SAMSN1: variants seen among roughly 807,000 people sequenced by gnomAD.
SAMSN1 encodes SAM domain, SH3 domain and nuclear localization signals 1.
In SAMSN1, 31 loss-of-function variants were observed where a neutral mutation model predicts 42.0. That is an observed-to-expected ratio of 0.74 (90% confidence interval 0.55 to 1.00). The LOEUF (loss-of-function observed/expected upper bound fraction) is 1.00. SAMSN1 is among the 50% of genes least tolerant of loss of function. SAMSN1 has a pLI of 0.00. For missense variants in SAMSN1, 464 were observed against 439.4 expected (o/e 1.06, Z -0.50); for synonymous variants, 178 against 151.9 (o/e 1.17, Z -1.26).
intron 5 of SAMSN1, among the ~76,000 whole-genome samples, chr21:14,501,037 G>A (rs1054083108): frequency 3.3e-5 from 5 of 151,710 alleles, no homozygotes; most frequent in South Asian, 2.1e-4. Flanking sequence ...TTAGCCTGGC[G>A]TGGTAGCATG....
At chr21:14,618,862 C>G (rs1343187611) in intron 2 of SAMSN1, among the ~76,000 whole-genome samples, 1 of 152,172 alleles carries the variant, frequency 6.6e-6, no homozygotes, top group African/African-American at 2.4e-5. Flanking sequence ...TCAGTATCCC[C>G]TAAGTTAGGC....
chr21:14,632,357 A>G (rs1239872363), intron 2 of SAMSN1, among the ~76,000 whole-genome samples: 1 of 152,072 alleles, frequency 6.6e-6, no homozygotes, highest in African/African-American at 2.4e-5. Context: ...ATTCATTTGT[A>G]TATCTGCAAA....
chr21:14,565,900 A>C (rs1342388551), intron 2 of SAMSN1, among the ~76,000 whole-genome samples: 1 of 152,234 alleles, frequency 6.6e-6, no homozygotes, highest in Non-Finnish European at 1.5e-5. Context: ...ATAATTTCAA[A>C]AGGCAAACCA....
chr21:14,489,831 G>C (rs920356721), intron 7 of SAMSN1, among the ~76,000 whole-genome samples: 1 of 152,040 alleles, frequency 6.6e-6, no homozygotes, highest in Non-Finnish European at 1.5e-5. Flanking sequence ...TGAAAGAAAA[G>C]GGTGGCATCG....
rs909999479 is a variant in SAMSN1 at position 14,531,987 on chromosome 21, G to GT, written c.58-10767dup. ...CAAACAATAAGCTAATTCTCAAAAAGTTTTTTTTTGAGTCATTTTTACTAC... is the reference window on the plus strand; with the variant it reads ...CAAACAATAAGCTAATTCTCAAAAAGTTTTTTTTTTGAGTCATTTTTACTAC... On this transcript the variant is annotated intron_variant, in intron 1 of 7. Coordinates refer to ENST00000400566, the MANE Select transcript of SAMSN1 (RefSeq NM_022136.5). Among the ~76,000 whole-genome samples the GT allele has an allele frequency of 6.0e-4, 91 of 151,444 alleles. 2 individuals carry two copies. The highest frequency in any genetic ancestry group is 2.1e-4 in the South Asian group (1 of 4,788).
At position 14,553,332 on chromosome 21, in the gene SAMSN1, G is replaced by A. The variant is rs967514047; in HGVS notation, c.261+28804C>T. 2.2e-4 allele frequency among the ~76,000 whole-genome samples: 33 copies of A among 151,784 alleles called. 5 individuals are homozygous for A. The highest frequency in any genetic ancestry group is 1.2e-3 in the Admixed American group (19 of 15,224). ...TAACTGTCTTTCTTTTTATATGATTGGTTCTCTATATATTGTTAATATTTC... is the reference window on the plus strand; with the variant it reads ...TAACTGTCTTTCTTTTTATATGATTAGTTCTCTATATATTGTTAATATTTC... On this transcript the variant is annotated intron_variant, in intron 2 of 8. Coordinates refer to the SAMSN1 transcript ENST00000285670.
At chr21:14,528,761 C>A (rs1391866812) in intron 1 of SAMSN1, among the ~76,000 whole-genome samples, 4 of 152,278 alleles carry the variant, frequency 2.6e-5, no homozygotes, top group African/African-American at 7.2e-5. Flanking sequence ...TCCCCAAATT[C>A]TTGCCCCTCT....
chr21:14,503,223 G>T (rs1044330930), intron 5 of SAMSN1, among the ~76,000 whole-genome samples: 1 of 152,010 alleles, frequency 6.6e-6, no homozygotes, highest in Non-Finnish European at 1.5e-5. Context: ...TGACAAATCA[G>T]GTAGGATCCC....
intron 5 of SAMSN1, among the ~76,000 whole-genome samples, chr21:14,508,367 C>A (rs149607877): frequency 6.7e-6 from 1 of 150,358 alleles, no homozygotes; most frequent in Non-Finnish European, 1.5e-5. Context: ...GAAAAAAAAA[C>A]AAACAATCCC....
intron 6 of SAMSN1, among the ~76,000 whole-genome samples, chr21:14,599,281 C>T (rs1292875090): frequency 2.0e-5 from 3 of 151,964 alleles, no homozygotes; most frequent in South Asian, 2.1e-4. Flanking sequence ...GCAGTTTCCC[C>T]CATGCTGCTG....
At chr21:14,502,779 G>A (rs1360866391) in intron 5 of SAMSN1, among the ~76,000 whole-genome samples, 1 of 152,138 alleles carries the variant, frequency 6.6e-6, no homozygotes, top group Non-Finnish European at 1.5e-5. Context: ...TTACTGTGGG[G>A]AACAGTGCAT....
chr21:14,584,032 G>T (rs557774296), upstream of SAMSN1, among the ~76,000 whole-genome samples: 6 of 149,580 alleles, frequency 4.0e-5, no homozygotes, highest in Non-Finnish European at 8.9e-5. Flanking sequence ...ACAGCAAAAT[G>T]GATTGAATTC....
intron 7 of SAMSN1, among the ~76,000 whole-genome samples, chr21:14,496,681 T>TTGGCTACTTTCTGAAGCTTGAACTTTGTC (rs1986927889): frequency 1.3e-5 from 2 of 152,214 alleles, no homozygotes; most frequent in Admixed American, 6.5e-5. Flanking sequence ...ATTGATTAGA[T>TTGGCTACTTTCTGAAGCTTGAACTTTGTC]TGGCTACTTT....
intron 7 of SAMSN1, among the ~76,000 whole-genome samples, chr21:14,592,820 T>C (rs1600950602): frequency 1.3e-5 from 2 of 152,306 alleles, no homozygotes; most frequent in South Asian, 4.1e-4. Context: ...TGCAATCTAG[T>C]TCTCTTGCTT....
chr21:14,497,094 C>T (rs1352216394), intron 7 of SAMSN1, among the ~76,000 whole-genome samples: 2 of 152,100 alleles, frequency 1.3e-5, no homozygotes, highest in African/African-American at 4.8e-5. Context: ...GCAGCACATA[C>T]ATTGGGTTGG....
At chr21:14,540,995 G>C (rs947070390) in intron 1 of SAMSN1, among the ~76,000 whole-genome samples, 2 of 152,104 alleles carry the variant, frequency 1.3e-5, no homozygotes, top group East Asian at 3.9e-4. Flanking sequence ...CATGGATGAA[G>C]CTGGAAACCA....
At chr21:14,611,935 A>G (rs1449709033) in intron 4 of SAMSN1, among the ~76,000 whole-genome samples, 1 of 152,154 alleles carries the variant, frequency 6.6e-6, no homozygotes, top group African/African-American at 2.4e-5. Context: ...GGCACACTAC[A>G]TTAAAAAAAA....
chr21:14,572,698 C>CT (rs1004606795), intron 2 of SAMSN1, among the ~76,000 whole-genome samples: 41 of 152,268 alleles, frequency 2.7e-4, no homozygotes, highest in African/African-American at 9.9e-4. Flanking sequence ...GGCAGGGTCT[C>CT]TAATTATCAA....
intron 1 of SAMSN1, among the ~76,000 whole-genome samples, chr21:14,533,714 T>C (rs1249195442): frequency 1.3e-5 from 2 of 152,240 alleles, no homozygotes; most frequent in African/African-American, 2.4e-5. Context: ...GAAATTCATC[T>C]GCCAAGAAAA....
Sources: allele counts gnomAD v4.1 joint callset (sites outside exome capture counted in the v4.1 genomes callset), GRCh38; gene constraint gnomAD v4.1.1; transcripts MANE v1.5; gene names NCBI Gene and HGNC (gene_info 2026-07-23, HGNC 2026-07-21).